Variants in DGUOK observed in about 807,000 individuals in gnomAD.
DGUOK encodes the protein deoxyguanosine kinase.
Under a neutral mutation model 36.6 loss-of-function variants are expected in DGUOK, and 30 were observed. The ratio of observed to expected loss-of-function variants is 0.82; its 90% confidence interval spans 0.61 to 1.11. The LOEUF is 1.11. DGUOK is among the 50% of genes most tolerant of loss of function. The probability of loss-of-function intolerance (pLI) is 0.00; values close to 1 mark genes in which losing one functional copy is unlikely to be tolerated. For missense variants in DGUOK, 361 were observed against 336.4 expected (o/e 1.07, Z -0.57); for synonymous variants, 145 against 126.3 (o/e 1.15, Z -0.99).
Position 73,938,994 on chromosome 2 carries a change from A to G in DGUOK, c.227A>G (p.Gln76Arg), listed in dbSNP as rs370860571. 5.6e-6 allele frequency: 9 copies of G among 1,613,942 alleles called. No homozygotes were observed. In the African/African-American group the frequency reaches 1.1e-4, roughly 19 times the overall value. The change falls in exon 2 of 7, where the codon CAG becomes CGG. Residue 76 changes from glutamine to arginine, a missense_variant. Transcript: ENST00000264093. ...HVATEPVATW[Q>R]NIQAAGTQKA... ...GCTACAGAACCTGTAGCAACATGGC[A>G]GAATATCCAGGCTGCTGGCACCCAA...
intron 2 of DGUOK, among the ~76,000 whole-genome samples, chr2:73,941,684 T>C (rs1681913150): frequency 6.6e-6 from 1 of 152,154 alleles, no homozygotes; most frequent in African/African-American, 2.4e-5. Flanking sequence ...TCTAATTTCT[T>C]CCTATTATAA....
At position 73,954,495 on chromosome 2, in the gene DGUOK, C is replaced by T. The variant is rs544635077; in HGVS notation, c.592-2630C>T. On this transcript the variant is annotated intron_variant, in intron 4 of 6. Coordinates refer to ENST00000264093, the MANE Select transcript of DGUOK (RefSeq NM_080916.3). The stretch of plus-strand genomic sequence containing the variant: ...GACGAGCATGGTCAACATAGGGAGA[C>T]CCCATCTCTAAAAATTTTTTTTAAA... Among the ~76,000 whole-genome samples, 6 of 152,078 alleles carry T rather than the reference C, an allele frequency of 3.9e-5. No individual in the cohort carries two copies. In the South Asian group the frequency reaches 1.2e-3, roughly 32 times the overall value.
At chr2:73,949,515 T>C (rs1227770633) in intron 3 of DGUOK, among the ~76,000 whole-genome samples, 1 of 152,284 alleles carries the variant, frequency 6.6e-6, no homozygotes, top group East Asian at 1.9e-4. Flanking sequence ...CAAGACATCA[T>C]CATAACAGGC....
At chr2:73,937,074 T>C (rs1277093593) in intron 1 of DGUOK, among the ~76,000 whole-genome samples, 5 of 152,228 alleles carry the variant, frequency 3.3e-5, no homozygotes, top group Non-Finnish European at 7.3e-5. Flanking sequence ...GAGGGTAGGC[T>C]ACCTAAAGGA....
chr2:73,947,196 A>G (rs554236296), intron 3 of DGUOK: 1 of 429,692 alleles, frequency 2.3e-6, no homozygotes, highest in East Asian at 5.1e-5. Flanking sequence ...GCTGGTAGCC[A>G]CCTAATGTAA....
At position 73,929,462 on chromosome 2, in the gene DGUOK, A is replaced by G. The variant is rs547825362; in HGVS notation, c.142+2410A>G. Among the ~76,000 whole-genome samples the G allele has an allele frequency of 2.0e-5, 3 of 152,278 alleles. No homozygotes were observed. In the East Asian group the frequency reaches 5.8e-4, roughly 29 times the overall value. The stretch of plus-strand genomic sequence containing the variant: ...TCCAAGTAGAGGTGTTGAATAGGTA[A>G]TTGGATATGTAAGTTCAGAATTAGG... On this transcript the variant is annotated intron_variant, in intron 1 of 6. Transcript: ENST00000264093.
chr2:73,930,579 CCTCT>C, intron 1 of DGUOK, among the ~76,000 whole-genome samples: 1 of 152,016 alleles, frequency 6.6e-6, no homozygotes, highest in African/African-American at 2.4e-5. Flanking sequence ...GTTTGAACTC[CCTCT>C]ATTTTCCTGA....
At chr2:73,951,283 G>A (rs575122404) in intron 4 of DGUOK, among the ~76,000 whole-genome samples, 1 of 152,234 alleles carries the variant, frequency 6.6e-6, no homozygotes, top group South Asian at 2.1e-4. Flanking sequence ...GTCACGGCAG[G>A]AGCACCAGAG....
chr2:73,939,907 C>CT (rs35979524), intron 2 of DGUOK, among the ~76,000 whole-genome samples: 51,857 of 136,554 alleles, frequency 0.38, 10,498 homozygotes, highest in East Asian at 0.48. Context: ...AGTCTCTCTC[C>CT]TTTTTTTTTT....
chr2:73,946,590 CT>C, intron 2 of DGUOK, 128 bp from the exon 3 acceptor site: 1 of 877,466 alleles, frequency 1.1e-6, no homozygotes, highest in South Asian at 1.5e-5. Context: ...TGGAAGGAAA[CT>C]TTTGTAATTT....
intron 4 of DGUOK, 35 bp downstream of exon 4, chr2:73,950,767 CAT>C: frequency 6.2e-7 from 1 of 1,613,236 alleles, no homozygotes. Context: ...ACTTTAGGGC[CAT>C]ATGAAACCTA....
chr2:73,941,288 C>A (rs1391019979), intron 2 of DGUOK, among the ~76,000 whole-genome samples: 2 of 152,184 alleles, frequency 1.3e-5, no homozygotes, highest in African/African-American at 4.8e-5. Context: ...TCATGAGAAA[C>A]CCTGAGGCCC....
intron 1 of DGUOK, among the ~76,000 whole-genome samples, chr2:73,929,095 C>T (rs1096555): frequency 0.68 from 103,422 of 151,958 alleles, 35,446 homozygotes; most frequent in African/African-American, 0.69. Context: ...ATTTCCTCCT[C>T]TCCTTCTTCC....
intron 6 of DGUOK, among the ~76,000 whole-genome samples, 180 bp from the exon 7 acceptor site, chr2:73,958,530 T>G (rs1393204641): frequency 2.0e-5 from 3 of 152,210 alleles, no homozygotes; most frequent in Non-Finnish European, 2.9e-5. Context: ...CTGGATTCTA[T>G]TCCCAGCTCT....
chr2:73,950,449 A>C lies in DGUOK; in HGVS notation c.444-136A>C, dbSNP rs182766898. The C allele has an allele frequency of 7.2e-4, 630 of 874,856 alleles. 4 individuals are homozygous for C. Among genetic ancestry groups the C allele is most frequent in the Admixed American group, 3.5e-3 (193 of 55,694 alleles). The allele number at this position is 874,856 out of a possible 1,614,324, so 54.2% of individuals were successfully genotyped here. Reference sequence around the variant, plus strand: ...TCAGATTTCTTAAGGATTGATGAGGAGCTAGAAAGGTTAAGTGGTTTGAAC... The same window carrying C: ...TCAGATTTCTTAAGGATTGATGAGGCGCTAGAAAGGTTAAGTGGTTTGAAC... On this transcript the variant is annotated intron_variant, in intron 3 of 6. Coordinates refer to ENST00000264093, the MANE Select transcript of DGUOK (RefSeq NM_080916.3).
chr2:73,953,432 T>C (rs1682848060), intron 4 of DGUOK, among the ~76,000 whole-genome samples: 1 of 152,200 alleles, frequency 6.6e-6, no homozygotes, highest in South Asian at 2.1e-4. Context: ...AATAGCTTAT[T>C]CATTTTGAGA....
chr2:73,949,169 C>CT (rs758703357), intron 3 of DGUOK, among the ~76,000 whole-genome samples: 1 of 152,166 alleles, frequency 6.6e-6, no homozygotes, highest in Non-Finnish European at 1.5e-5. Flanking sequence ...CCAGGCTGGT[C>CT]TCAAACTCCT....
chr2:73,946,533 G>C (rs576199111), intron 2 of DGUOK, among the ~76,000 whole-genome samples, 186 bp from the exon 3 acceptor site: 1 of 152,160 alleles, frequency 6.6e-6, no homozygotes, highest in Non-Finnish European at 1.5e-5. Context: ...TCTCATACCT[G>C]ATTATGAAAT....
At chr2:73,951,959 A>T (rs567947301) in intron 4 of DGUOK, among the ~76,000 whole-genome samples, 1 of 152,342 alleles carries the variant, frequency 6.6e-6, no homozygotes. Context: ...ACTTGAGGCC[A>T]GGAGTTCAAG....
Sources: gnomAD v4.1 joint callset for allele counts (sites outside exome capture counted in the v4.1 genomes callset) on GRCh38, gnomAD v4.1.1 for gene constraint, MANE v1.5 for transcripts, NCBI Gene and HGNC (gene_info 2026-07-23, HGNC 2026-07-21) for gene names.